SGCZ: variants seen among roughly 807,000 people sequenced by gnomAD.
The protein encoded by SGCZ is sarcoglycan zeta.
Under a neutral mutation model 41.3 loss-of-function variants are expected in SGCZ, and 40 were observed. The observed-to-expected ratio is 0.97, with a 90% CI of 0.75 to 1.26. SGCZ has a LOEUF of 1.26. Among genes scored for constraint, SGCZ ranks in the 50% most tolerant of loss-of-function variants. SGCZ has a pLI of 0.00. For synonymous variants in SGCZ, 206 were observed against 137.5 expected (o/e 1.50, Z -3.49); for missense variants, 552 against 369.8 (o/e 1.49, Z -4.04).
chr8:15,200,518 T>C (rs1425106621), intron 1 of SGCZ, among the ~76,000 whole-genome samples: 3 of 152,144 alleles, frequency 2.0e-5, no homozygotes, highest in Admixed American at 1.3e-4. Flanking sequence ...GGGGGTACCA[T>C]GGATAGCCTA....
At chr8:14,478,865 A>G (rs1801439406) in intron 2 of SGCZ, among the ~76,000 whole-genome samples, 1 of 152,200 alleles carries the variant, frequency 6.6e-6, no homozygotes, top group Non-Finnish European at 1.5e-5. Flanking sequence ...AAAGGTAGTA[A>G]TCTGGCAAGA....
chr8:14,255,219 A>C (rs1283943982), intron 3 of SGCZ, among the ~76,000 whole-genome samples: 3 of 152,294 alleles, frequency 2.0e-5, no homozygotes, highest in African/African-American at 7.2e-5. Context: ...CCCAGGAATC[A>C]TTCCAGTCAT....
At chr8:14,797,131 T>A (rs1382118941) in intron 1 of SGCZ, among the ~76,000 whole-genome samples, 1 of 150,606 alleles carries the variant, frequency 6.6e-6, no homozygotes, top group African/African-American at 2.4e-5. Flanking sequence ...AATGTGGAAT[T>A]GACTTTGGAA....
At chr8:14,935,211 G>A (rs1800045718) in intron 1 of SGCZ, among the ~76,000 whole-genome samples, 2 of 151,650 alleles carry the variant, frequency 1.3e-5, no homozygotes, top group African/African-American at 4.8e-5. Context: ...TAAAGTAGAT[G>A]TTATCTTAAA....
chr8:14,569,287 C>A (rs1804477812), intron 1 of SGCZ, among the ~76,000 whole-genome samples: 1 of 152,126 alleles, frequency 6.6e-6, no homozygotes, highest in South Asian at 2.1e-4. Context: ...ATCTTATATT[C>A]TTCTTCAGAG....
chr8:14,339,185 T>G (rs1471452189), intron 2 of SGCZ, among the ~76,000 whole-genome samples: 1 of 152,176 alleles, frequency 6.6e-6, no homozygotes, highest in Non-Finnish European at 1.5e-5. Flanking sequence ...CTACAGTAAT[T>G]CAATTATCAT....
intron 1 of SGCZ, among the ~76,000 whole-genome samples, chr8:15,221,419 A>G (rs984862998): frequency 6.6e-6 from 1 of 152,132 alleles, no homozygotes; most frequent in Non-Finnish European, 1.5e-5. Context: ...GATCTGCCTC[A>G]TTCTTCTTCA....
At chr8:14,243,854 T>C (rs1210080691) in intron 3 of SGCZ, among the ~76,000 whole-genome samples, 2 of 152,210 alleles carry the variant, frequency 1.3e-5, no homozygotes, top group Non-Finnish European at 2.9e-5. Flanking sequence ...ATCACAGTAC[T>C]CGTTGTAGGC....
At chr8:14,878,990 A>G (rs944036754) in intron 1 of SGCZ, 3 of 152,100 alleles carry the variant, frequency 2.0e-5, no homozygotes, top group African/African-American at 7.2e-5. Flanking sequence ...TCATACTTGT[A>G]ATCAAGAAGT....
rs563964688 is a variant in SGCZ, at chr8:14,447,496, T to A, written c.234+107236A>T. ...ATCACTAATAATGAAATGAGTTGAT[T>A]TTCTAAGAAAAACAAGTATGTAATT... On this transcript the variant is annotated intron_variant, in intron 2 of 7. Transcript: ENST00000382080. 6.3e-4 allele frequency among the ~76,000 whole-genome samples: 96 copies of A among 152,270 alleles called. 1 individual carries two copies. The highest frequency in any genetic ancestry group is 2.3e-3 in the African/African-American group (94 of 41,572).
intron 3 of SGCZ, among the ~76,000 whole-genome samples, chr8:14,268,611 C>G (rs1032236190): frequency 3.7e-4 from 56 of 151,632 alleles, no homozygotes; most frequent in African/African-American, 1.3e-3. Context: ...CATGTAGAAC[C>G]CATACATTTT....
intron 1 of SGCZ, among the ~76,000 whole-genome samples, chr8:14,634,415 G>A (rs1401747228): frequency 6.6e-6 from 1 of 151,534 alleles, no homozygotes; most frequent in African/African-American, 2.4e-5. Context: ...CACACTCAAC[G>A]CCACACATTT....
At chr8:14,677,404 C>G (rs1303521591) in intron 1 of SGCZ, among the ~76,000 whole-genome samples, 2 of 152,068 alleles carry the variant, frequency 1.3e-5, no homozygotes. Flanking sequence ...TATAATGCAA[C>G]CCAATCAAAA....
At chr8:14,365,357 T>G (rs1378180496) in intron 2 of SGCZ, among the ~76,000 whole-genome samples, 2 of 152,146 alleles carry the variant, frequency 1.3e-5, no homozygotes, top group African/African-American at 4.8e-5. Context: ...TTTTCTGCAT[T>G]TTGCTTTATT....
chr8:15,104,299 G>T (rs1249417896), intron 1 of SGCZ, among the ~76,000 whole-genome samples: 1 of 152,130 alleles, frequency 6.6e-6, no homozygotes, highest in Admixed American at 6.6e-5. Flanking sequence ...ACAATTGAGG[G>T]TGGAATTTTG....
rs544931033 is a variant in SGCZ, at chr8:15,134,323, T to C, written c.39+103262A>G. Among the ~76,000 whole-genome samples the C allele has an allele frequency of 4.0e-5, 6 of 151,422 alleles. No homozygotes were observed. In the East Asian group the frequency reaches 1.2e-3, roughly 29 times the overall value. On this transcript the variant is annotated intron_variant, in intron 1 of 7. Coordinates refer to ENST00000382080, the MANE Select transcript of SGCZ (RefSeq NM_139167.4). ...TTAGGTCTTTTTTTTTTTTGTTTCT[T>C]TACTTCCAATAATTTGATTTTAAAC... is the stretch of plus-strand genomic sequence containing the variant.
intron 1 of SGCZ, among the ~76,000 whole-genome samples, chr8:14,869,340 C>T (rs1804057482): frequency 6.6e-6 from 1 of 152,144 alleles, no homozygotes; most frequent in South Asian, 2.1e-4. Context: ...ACAAAAAACA[C>T]ATGATTATCT....
chr8:14,749,255 T>C (rs1287133641), intron 1 of SGCZ, among the ~76,000 whole-genome samples: 1 of 152,140 alleles, frequency 6.6e-6, no homozygotes, highest in Non-Finnish European at 1.5e-5. Flanking sequence ...TGGACCAAAA[T>C]GATCCACACT....
At chr8:14,253,867 T>G (rs1398733831) in intron 3 of SGCZ, among the ~76,000 whole-genome samples, 1 of 152,180 alleles carries the variant, frequency 6.6e-6, no homozygotes, top group Admixed American at 6.5e-5. Flanking sequence ...CTTCTCCTAG[T>G]GGAGAAATAA....
Sources: allele counts gnomAD v4.1 joint callset (sites outside exome capture counted in the v4.1 genomes callset), GRCh38; gene constraint gnomAD v4.1.1; transcripts MANE v1.5; gene names NCBI Gene and HGNC (gene_info 2026-07-23, HGNC 2026-07-21).